MCAM: variants seen among roughly 807,000 people sequenced by gnomAD.
The protein encoded by MCAM is melanoma cell adhesion molecule.
In MCAM, 55 loss-of-function variants were observed where a neutral mutation model predicts 79.1. That is an observed-to-expected ratio of 0.70 (90% CI 0.56 to 0.87). The LOEUF is 0.87. Among genes scored for constraint, MCAM ranks in the 40% least tolerant of loss-of-function variants. The pLI, the probability that MCAM is intolerant of heterozygous loss-of-function variation, is 0.00. For synonymous variants in MCAM, 330 were observed against 339.8 expected (o/e 0.97, Z 0.32); for missense variants, 745 against 839.8 (o/e 0.89, Z 1.40).
intron 15 of MCAM, 22 bp downstream of exon 15, chr11:119,310,327 G>A: frequency 6.7e-7 from 1 of 1,490,508 alleles, no homozygotes; most frequent in Non-Finnish European, 9.4e-7. Flanking sequence ...GGCAGGCTCT[G>A]GCCACAGGAA....
At position 119,312,523 on chromosome 11, in the gene MCAM, A is replaced by T; in HGVS notation, c.861+4T>A. The T allele has an allele frequency of 6.2e-7, 1 of 1,613,998 alleles. No homozygotes were observed. The highest frequency in any genetic ancestry group is 8.5e-7 in the Non-Finnish European group (1 of 1,179,982). On this transcript the variant is annotated splice_donor_region_variant and intron_variant, in intron 7 of 15. Transcript: ENST00000264036. The surrounding 1 kb of genome is among the most constrained non-coding windows in gnomAD (Gnocchi z 4.9). ...CACCTGCACCCAGCACAAAGCCCCC[A>T]CACCTGCTTGCTGATGCTGAAGTGT...
At position 119,315,324 on chromosome 11, in the gene MCAM, C is replaced by T. The variant is rs1950296935; in HGVS notation, c.68-61G>A. On this transcript the variant is annotated intron_variant, in intron 1 of 15. Coordinates refer to ENST00000264036, the MANE Select transcript of MCAM (RefSeq NM_006500.3). The surrounding 1 kb of genome is among the most constrained non-coding windows in gnomAD (Gnocchi z 4.4). ...AGCTCCGGCTGCTGTCCGCCCCTCCCCTCGCAGCGCTGCTGCAGCTGTTTT... is the reference window on the plus strand; with the variant it reads ...AGCTCCGGCTGCTGTCCGCCCCTCCTCTCGCAGCGCTGCTGCAGCTGTTTT... 6.4e-7 allele frequency: 1 copy of T among 1,550,598 alleles called. No individual in the cohort carries two copies. The highest frequency in any genetic ancestry group is 8.7e-7 in the Non-Finnish European group (1 of 1,152,272).
Position 119,313,550 on chromosome 11 carries a change from C to T in MCAM, c.560-601G>A, listed in dbSNP as rs558128244. 2.8e-4 allele frequency: 90 copies of T among 316,834 alleles called. 1 individual carries two copies. The highest frequency in any genetic ancestry group is 2.3e-3 in the Middle Eastern group (2 of 852). 19.6% of individuals were successfully genotyped at this position (316,834 alleles called of 1,614,324 possible). On this transcript the variant is annotated intron_variant, in intron 5 of 15. Coordinates refer to ENST00000264036, the MANE Select transcript of MCAM (RefSeq NM_006500.3). ...CTGAGTAGCTGGGATTACAGACATG[C>T]GCCACCACGCCCGGCTACTTTTGTA...
In MCAM at chr11:119,314,754, A is replaced by T; in HGVS notation, c.401-5T>A. 6.2e-7 allele frequency: 1 copy of T among 1,613,654 alleles called. No individual in the cohort carries two copies. Among genetic ancestry groups the T allele is most frequent in the Non-Finnish European group, 8.5e-7 (1 of 1,179,868 alleles). Reference sequence around the variant, plus strand: ...TGTTTGGCTCCTCCGGAGCTTCTACAAGAAAATAGAAATGAGGGGGACATC... The same window carrying T: ...TGTTTGGCTCCTCCGGAGCTTCTACTAGAAAATAGAAATGAGGGGGACATC... On this transcript the variant is annotated splice_polypyrimidine_tract_variant and splice_region_variant and intron_variant, in intron 3 of 15. Coordinates refer to ENST00000264036, the MANE Select transcript of MCAM (RefSeq NM_006500.3).
At chr11:119,310,083 T>C in intron 15 of MCAM, 168 bp from the exon 16 acceptor site, 3 of 665,126 alleles carry the variant, frequency 4.5e-6, no homozygotes, top group South Asian at 3.5e-5. Context: ...GCGGCCCCCG[T>C]CTGACTGCAC....
In MCAM at chr11:119,317,036, C is replaced by G. The variant is rs1419013303; in HGVS notation, c.66G>C (p.Ala22=). Residue 22 remains alanine (A), a splice_region_variant and synonymous_variant, in exon 1 of 16, where the codon GCG becomes GCC. Transcript: ENST00000264036. This position sits in a 1 kb window ranked among gnomAD's most constrained non-coding sequence, Gnocchi z 6.2. The stretch of plus-strand genomic sequence containing the variant: ...CGGCCCCCCTGCGAGCGAACTCACC[C>G]GCGACGCGAGGACAGCAGCAGCAGG... The part of the protein sequence containing the change: ...LAACCCCPRV[A]GVPGEAEQPA... The G allele has an allele frequency of 2.6e-6, 4 of 1,532,642 alleles. No homozygotes were observed. Among genetic ancestry groups the G allele is most frequent in the Non-Finnish European group, 3.5e-6 (4 of 1,144,094 alleles). The allele number at this position is 1,532,642 out of a possible 1,614,324, so 94.9% of individuals were successfully genotyped here.
chr11:119,308,642 A>G lies in MCAM; in HGVS notation c.*1244T>C, dbSNP rs996046566. On this transcript the variant is annotated 3_prime_UTR_variant, in exon 16 of 16. Transcript: ENST00000264036. ...ATTTACACACCTGACAAAACCATAT[A>G]TACACACATATGTATGCATACACAC... is the stretch of plus-strand genomic sequence containing the variant. 1 of 151,992 alleles carries G rather than the reference A, an allele frequency of 6.6e-6. No homozygotes were observed. The highest frequency in any genetic ancestry group is 6.6e-5 in the Admixed American group (1 of 15,244). 9.4% of individuals were successfully genotyped at this position (151,992 alleles called of 1,614,324 possible). A position where few individuals can be genotyped will look rare whatever the true frequency, so the allele number is the denominator to read the frequency against.
At position 119,311,104 on chromosome 11, in the gene MCAM, T is replaced by C; in HGVS notation, c.1631A>G (p.Asn544Ser). The C allele has an allele frequency of 1.2e-6, 2 of 1,614,226 alleles. No individual in the cohort carries two copies. Among genetic ancestry groups the C allele is most frequent in the East Asian group, 2.2e-5 (1 of 44,884 alleles). The change falls in exon 13 of 16, where the codon AAC becomes AGC. Residue 544 changes from asparagine to serine, a missense_variant. Coordinates refer to ENST00000264036, the MANE Select transcript of MCAM (RefSeq NM_006500.3). The surrounding 1 kb of genome is among the most constrained non-coding windows in gnomAD (Gnocchi z 4.4). ...GCCTGGCTTACCTGTGGAGGTGCTGTTGGCTCTGGTATGAGGACTGGCAGT... is the reference window on the plus strand; with the variant it reads ...GCCTGGCTTACCTGTGGAGGTGCTGCTGGCTCTGGTATGAGGACTGGCAGT... Reference protein sequence around the residue: ...TSTASPHTRANSTSTERKLPE... With the variant: ...TSTASPHTRASSTSTERKLPE...
In MCAM at chr11:119,311,020, C is replaced by A; in HGVS notation, c.1645+70G>T. ...CTGCTACTCACCTTTCTGGACAGGG[C>A]TCTCTGGGGAGGGACAGGGCAGAAA... On this transcript the variant is annotated intron_variant, in intron 13 of 15. Transcript: ENST00000264036. The surrounding 1 kb of genome is among the most constrained non-coding windows in gnomAD (Gnocchi z 4.4). 1 of 1,614,110 alleles carries A rather than the reference C, an allele frequency of 6.2e-7. No homozygotes were observed. Among genetic ancestry groups the A allele is most frequent in the Non-Finnish European group, 8.5e-7 (1 of 1,179,990 alleles).
chr11:119,308,981 T>C lies in MCAM; in HGVS notation c.*905A>G, dbSNP rs750063885. 6.6e-6 allele frequency: 1 copy of C among 152,156 alleles called. No individual in the cohort carries two copies. Among genetic ancestry groups the C allele is most frequent in the Non-Finnish European group, 1.5e-5 (1 of 68,032 alleles). 9.4% of individuals were successfully genotyped at this position (152,156 alleles called of 1,614,324 possible). A position where few individuals can be genotyped will look rare whatever the true frequency, so the allele number is the denominator to read the frequency against. ...ACCGCAGGCACGTATCTTTTCTTTT[T>C]TTTTCCTCGAGACGGAGTCTCGCTG... On this transcript the variant is annotated 3_prime_UTR_variant, in exon 16 of 16. Transcript: ENST00000264036.
intron 14 of MCAM, 128 bp downstream of exon 14, chr11:119,310,628 G>T: frequency 1.7e-6 from 2 of 1,144,672 alleles, no homozygotes; most frequent in Non-Finnish European, 2.6e-6. Context: ...GCTGGGCAGT[G>T]GGTAGTGGAG....
rs1950193045 is a variant in MCAM at position 119,309,423 on chromosome 11, T to C, written c.*463A>G. 1 of 175,344 alleles carries C rather than the reference T, an allele frequency of 5.7e-6. No homozygotes were observed. The highest frequency in any genetic ancestry group is 1.2e-5 in the Non-Finnish European group (1 of 81,622). The allele number at this position is 175,344 out of a possible 1,614,324, so 10.9% of individuals were successfully genotyped here. On this transcript the variant is annotated 3_prime_UTR_variant, in exon 16 of 16. Transcript: ENST00000264036. ...GCTGGGGTGCTCTCCGGAGCGGGTG[T>C]GAACAGCGCACTTCAACATGAGCAG...
Position 119,311,412 on chromosome 11 carries a change from G to A in MCAM, c.1417C>T (p.Gln473Ter). ...SWNVNGTASE[Q>*]DQDPQRVLST... is the part of the protein sequence containing the mutation. ...AGGACTCGCTGTGGATCTTGGTCTT[G>A]TTCACTTGCCTGCGAGGAAAGGAAG... The change falls in exon 12 of 16, where the codon CAA becomes TAA. Residue 473 changes from glutamine (Q) to a stop codon, truncating the protein, a stop_gained. Transcript: ENST00000264036. LOFTEE classifies it high-confidence loss of function. This position sits in a 1 kb window ranked among gnomAD's most constrained non-coding sequence, Gnocchi z 4.4. The A allele has an allele frequency of 6.2e-7, 1 of 1,614,118 alleles. No homozygotes were observed. Among genetic ancestry groups the A allele is most frequent in the East Asian group, 2.2e-5 (1 of 44,870 alleles).
At position 119,311,650 on chromosome 11, in the gene MCAM, G is replaced by C. The variant is rs779097884; in HGVS notation, c.1287C>G (p.Gly429=). Residue 429 remains glycine (G), a splice_region_variant and synonymous_variant, in exon 11 of 16, where the codon GGC becomes GGG. Coordinates refer to ENST00000264036, the MANE Select transcript of MCAM (RefSeq NM_006500.3). This position sits in a 1 kb window ranked among gnomAD's most constrained non-coding sequence, Gnocchi z 4.4. ...RTQLVNVAIF[G]PPWMAFKERK... is the part of the protein sequence containing the mutation. The stretch of plus-strand genomic sequence containing the variant: ...TCTCCTTGAATGCCATCCAAGGGGG[G>C]CCTTGGGGAGGTAGGGAGAGGTGAG... 3 of 1,614,038 alleles carry C rather than the reference G, an allele frequency of 1.9e-6. No individual in the cohort carries two copies. In the South Asian group the frequency reaches 3.3e-5, roughly 18 times the overall value.
rs1257042054 is a variant in MCAM, at chr11:119,312,696, C to T, written c.740-48G>A. The T allele has an allele frequency of 2.5e-6, 4 of 1,613,946 alleles. No individual in the cohort carries two copies. In the South Asian group the frequency reaches 3.3e-5, roughly 13 times the overall value. On this transcript the variant is annotated intron_variant, in intron 6 of 15. Transcript: ENST00000264036. This position sits in a 1 kb window ranked among gnomAD's most constrained non-coding sequence, Gnocchi z 4.9. ...TCTTGGCCCATGAGTCAACCCTGGG[C>T]TGGATAAGGGGGAGCCAGCAGGAGT... is the stretch of plus-strand genomic sequence containing the variant.
chr11:119,316,877 T>G lies in MCAM; in HGVS notation c.67+158A>C. 3 of 575,358 alleles carry G rather than the reference T, an allele frequency of 5.2e-6. No homozygotes were observed. Among genetic ancestry groups the G allele is most frequent in the South Asian group, 2.2e-5 (1 of 46,308 alleles). The allele number at this position is 575,358 out of a possible 1,614,324, so 35.6% of individuals were successfully genotyped here. A position where few individuals can be genotyped will look rare whatever the true frequency, so the allele number is the denominator to read the frequency against. On this transcript the variant is annotated intron_variant, in intron 1 of 15. Transcript: ENST00000264036. This position sits in a 1 kb window ranked among gnomAD's most constrained non-coding sequence, Gnocchi z 4.8. ...GCTGCAAACTGGCTGCAAAGAAGAG[T>G]TGCTCGCGCGCAAGGCGCCCGGGGA...
intron 3 of MCAM, 25 bp from the exon 4 acceptor site, chr11:119,314,774 G>T (rs1248049615): frequency 6.2e-7 from 1 of 1,613,148 alleles, no homozygotes. Flanking sequence ...AAATGAGGGG[G>T]ACATCTGGCC....
Position 119,311,223 on chromosome 11 carries a change from G to T in MCAM, c.1550-38C>A. 6.2e-7 allele frequency: 1 copy of T among 1,613,092 alleles called. No individual in the cohort carries two copies. Among genetic ancestry groups the T allele is most frequent in the Non-Finnish European group, 8.5e-7 (1 of 1,179,108 alleles). Reference sequence around the variant, plus strand: ...GGGAGGGGTGTTAGGAGAAGCGCAAGTTACTGCCCGTGCCTGGGCCTGCCC... The same window carrying T: ...GGGAGGGGTGTTAGGAGAAGCGCAATTTACTGCCCGTGCCTGGGCCTGCCC... On this transcript the variant is annotated intron_variant, in intron 12 of 15. Transcript: ENST00000264036. The surrounding 1 kb of genome is among the most constrained non-coding windows in gnomAD (Gnocchi z 4.4).
In MCAM at chr11:119,311,119, G is replaced by A. The variant is rs1385542534; in HGVS notation, c.1616C>T (p.Pro539Leu). 7 of 1,614,238 alleles carry A rather than the reference G, an allele frequency of 4.3e-6. No individual in the cohort carries two copies. Among genetic ancestry groups the A allele is most frequent in the Non-Finnish European group, 5.1e-6 (6 of 1,180,038 alleles). The change falls in exon 13 of 16, where the codon CCT becomes CTT. Residue 539 changes from proline (P) to leucine (L), a missense_variant. Transcript: ENST00000264036. The surrounding 1 kb of genome is among the most constrained non-coding windows in gnomAD (Gnocchi z 4.4). ...TTGLSTSTAS[P>L]HTRANSTSTE... is the part of the protein sequence containing the mutation. ...GGAGGTGCTGTTGGCTCTGGTATGA[G>A]GACTGGCAGTGGAAGTGCTGAGGCC...
Sources: allele counts gnomAD v4.1 joint callset, GRCh38; gene constraint gnomAD v4.1.1; non-coding constraint Gnocchi (gnomAD v3.1); transcripts MANE v1.5; gene names NCBI Gene and HGNC (gene_info 2026-07-23, HGNC 2026-07-21).